ROBO1: variants seen among roughly 807,000 people sequenced by gnomAD.
ROBO1 encodes the protein roundabout guidance receptor 1, also known as roundabout homolog 1.
In ROBO1, 149 loss-of-function variants were observed where a neutral mutation model predicts 195.9. That is an observed-to-expected ratio of 0.76 (90% CI 0.67 to 0.87). The LOEUF (loss-of-function observed/expected upper bound fraction) is 0.87. ROBO1 is among the 40% of genes least tolerant of loss of function. The pLI, the probability that ROBO1 is intolerant of heterozygous loss-of-function variation, is 0.00. For synonymous variants in ROBO1, 816 were observed against 733.2 expected (o/e 1.11, Z -1.82); for missense variants, 1,933 against 2,068.3 (o/e 0.93, Z 1.27).
At chr3:78,709,157 G>A (rs2081621500) in intron 8 of ROBO1, among the ~76,000 whole-genome samples, 1 of 152,146 alleles carries the variant, frequency 6.6e-6, no homozygotes, top group Non-Finnish European at 1.5e-5. Flanking sequence ...TGTAATGTGA[G>A]GTTCAGGTTT....
chr3:79,644,159 G>A (rs1300372543), intron 1 of ROBO1, among the ~76,000 whole-genome samples: 1 of 151,996 alleles, frequency 6.6e-6, no homozygotes, highest in Non-Finnish European at 1.5e-5. Context: ...GAGGAAATAA[G>A]AATTCTATAT....
intron 2 of ROBO1, among the ~76,000 whole-genome samples, chr3:79,340,107 C>G (rs1362030593): frequency 6.6e-6 from 1 of 152,216 alleles, no homozygotes; most frequent in Non-Finnish European, 1.5e-5. Flanking sequence ...GCAGCACACC[C>G]AGTCTCTGTC....
At chr3:79,079,541 T>A (rs536161120) in intron 3 of ROBO1, among the ~76,000 whole-genome samples, 70 of 151,920 alleles carry the variant, frequency 4.6e-4, no homozygotes, top group African/African-American at 1.7e-3. Context: ...TTGTCTACAG[T>A]AGGGCAAATG....
chr3:78,647,503 T>C, intron 20 of ROBO1, 126 bp downstream of exon 20: 1 of 890,348 alleles, frequency 1.1e-6, no homozygotes, highest in Non-Finnish European at 1.9e-6. Flanking sequence ...GTAAATCAAG[T>C]ATTACATTCC....
intron 1 of ROBO1, among the ~76,000 whole-genome samples, chr3:79,697,881 AG>A (rs1286652386): frequency 6.6e-6 from 1 of 151,604 alleles, no homozygotes; most frequent in African/African-American, 2.4e-5. Context: ...TTGTGAAAAA[AG>A]TATAAAACAA....
intron 2 of ROBO1, among the ~76,000 whole-genome samples, chr3:79,527,091 C>T (rs1941463668): frequency 1.3e-5 from 2 of 151,940 alleles, no homozygotes; most frequent in African/African-American, 2.4e-5. Flanking sequence ...AATATATTTC[C>T]AAACCAATGT....
chr3:79,024,682 G>C (rs1344013408), intron 3 of ROBO1, among the ~76,000 whole-genome samples: 1 of 152,152 alleles, frequency 6.6e-6, no homozygotes, highest in African/African-American at 2.4e-5. Flanking sequence ...ATAGTTATGA[G>C]AAATCTTGTC....
intron 2 of ROBO1, among the ~76,000 whole-genome samples, chr3:79,231,531 G>A (rs2082321602): frequency 6.6e-6 from 1 of 152,070 alleles, no homozygotes; most frequent in East Asian, 1.9e-4. Context: ...ACACCCGTCA[G>A]AATGGCTATT....
chr3:78,659,048 C>A (rs1446967727), intron 17 of ROBO1, among the ~76,000 whole-genome samples: 2 of 152,096 alleles, frequency 1.3e-5, no homozygotes, highest in Non-Finnish European at 2.9e-5. Context: ...GAGACATCAC[C>A]CATTTTAAAT....
chr3:78,891,805 CA>C (rs1274681637), intron 4 of ROBO1, among the ~76,000 whole-genome samples: 1 of 152,136 alleles, frequency 6.6e-6, no homozygotes, highest in Non-Finnish European at 1.5e-5. Flanking sequence ...AGATGAATTT[CA>C]AAACGTGTTA....
intron 2 of ROBO1, among the ~76,000 whole-genome samples, chr3:79,225,634 G>A (rs939278530): frequency 1.3e-5 from 2 of 152,102 alleles, no homozygotes; most frequent in Non-Finnish European, 1.5e-5. Flanking sequence ...TATTTCAGGG[G>A]CTGGCTAATG....
chr3:78,614,263 A>G (rs369995025), intron 28 of ROBO1, among the ~76,000 whole-genome samples: 14 of 152,226 alleles, frequency 9.2e-5, no homozygotes, highest in Admixed American at 3.9e-4. Flanking sequence ...TTCTATTTGA[A>G]TGCAAAATTG....
At chr3:79,644,987 A>G (rs1354669961) in intron 1 of ROBO1, among the ~76,000 whole-genome samples, 2 of 152,158 alleles carry the variant, frequency 1.3e-5, no homozygotes, top group African/African-American at 4.8e-5. Context: ...AATTAAGAAG[A>G]AAATTGAAAA....
At chr3:79,591,497 A>C (rs183393437) in intron 1 of ROBO1, among the ~76,000 whole-genome samples, 1 of 151,870 alleles carries the variant, frequency 6.6e-6, no homozygotes, top group South Asian at 2.1e-4. Context: ...CTTGCCTCAA[A>C]GAATATACTT....
chr3:79,518,564 G>A (rs1411938085), intron 2 of ROBO1, among the ~76,000 whole-genome samples: 1 of 152,110 alleles, frequency 6.6e-6, no homozygotes, highest in Non-Finnish European at 1.5e-5. Context: ...GACCTAGGAG[G>A]ATTGCTTTTC....
chr3:79,346,861 T>A (rs939440436), intron 2 of ROBO1, among the ~76,000 whole-genome samples: 1 of 151,706 alleles, frequency 6.6e-6, no homozygotes, highest in Non-Finnish European at 1.5e-5. Flanking sequence ...TTAAATATTT[T>A]AAAAATATAT....
intron 4 of ROBO1, among the ~76,000 whole-genome samples, chr3:78,799,487 G>A (rs567677076): frequency 1.4e-4 from 21 of 151,910 alleles, no homozygotes; most frequent in Admixed American, 5.2e-4. Flanking sequence ...GACTACAGGC[G>A]CCCACCACCA....
intron 1 of ROBO1, among the ~76,000 whole-genome samples, chr3:79,742,964 T>G (rs955325147): frequency 6.6e-6 from 1 of 152,174 alleles, no homozygotes; most frequent in African/African-American, 2.4e-5. Flanking sequence ...AAATTAGACT[T>G]GAGCAGATTG....
intron 2 of ROBO1, among the ~76,000 whole-genome samples, chr3:79,509,364 T>A (rs1055801062): frequency 1.3e-5 from 2 of 152,152 alleles, no homozygotes; most frequent in African/African-American, 4.8e-5. Flanking sequence ...ATGCTCATTT[T>A]AAAATGTTTA....
Sources: allele counts gnomAD v4.1 joint callset (sites outside exome capture counted in the v4.1 genomes callset), GRCh38; gene constraint gnomAD v4.1.1; transcripts MANE v1.5; gene names NCBI Gene and HGNC (gene_info 2026-07-23, HGNC 2026-07-21).